Variants in CGNL1 observed in about 807,000 individuals in gnomAD.
The protein encoded by CGNL1 is cingulin-like protein 1.
CGNL1 carries 132 observed loss-of-function variants against 141.2 expected under a neutral mutation model. The observed-to-expected ratio is 0.93, with a 90% CI of 0.81 to 1.08. The LOEUF (loss-of-function observed/expected upper bound fraction) is 1.08, where lower values mean the gene tolerates loss of function less well. Ranked by LOEUF, CGNL1 falls within the 50% of genes least tolerant of loss-of-function variation. CGNL1 has a pLI of 0.00. For missense variants in CGNL1, 1,870 were observed against 1,588.6 expected (o/e 1.18, Z -3.01); for synonymous variants, 690 against 622.1 (o/e 1.11, Z -1.63).
In CGNL1 at chr15:57,516,948, G is replaced by A. The variant is rs756169055; in HGVS notation, c.2572G>A (p.Asp858Asn). ...AAGGCAGATCGAGGACCTGAAAGGC[G>A]ATGAAGCCAAGGCGAAGGAAACGCT... ...LQRQIEDLKG[D>N]EAKAKETLKK... The change falls in exon 9 of 19, where the codon GAT becomes AAT. Residue 858 changes from aspartate (D) to asparagine (N), a missense_variant. Transcript: ENST00000281282. 94 of 1,613,748 alleles carry A rather than the reference G, an allele frequency of 5.8e-5. No homozygotes were observed. Among genetic ancestry groups the A allele is most frequent in the Non-Finnish European group, 7.4e-5 (87 of 1,180,024 alleles).
At chr15:57,503,636 G>A (rs550484069) in intron 8 of CGNL1, among the ~76,000 whole-genome samples, 2 of 152,168 alleles carry the variant, frequency 1.3e-5, no homozygotes, top group Non-Finnish European at 2.9e-5. Context: ...TGCTGATTAA[G>A]ACATACCTGA....
intron 1 of CGNL1, among the ~76,000 whole-genome samples, chr15:57,434,812 T>A (rs1422329685): frequency 6.6e-6 from 1 of 152,164 alleles, no homozygotes; most frequent in African/African-American, 2.4e-5. Flanking sequence ...AAGCATAGAA[T>A]AAAGACATTT....
chr15:57,478,370 G>T (rs890202200), intron 8 of CGNL1: 1 of 152,244 alleles, frequency 6.6e-6, no homozygotes, highest in Admixed American at 6.5e-5. Context: ...CACAGCTTTT[G>T]TTTCTTGAGA....
intron 8 of CGNL1, among the ~76,000 whole-genome samples, chr15:57,509,691 T>C (rs979463096): frequency 5.3e-5 from 8 of 152,272 alleles, no homozygotes; most frequent in Non-Finnish European, 1.0e-4. Context: ...CAGGTGATTA[T>C]TTGCAATGAA....
intron 8 of CGNL1, among the ~76,000 whole-genome samples, chr15:57,492,237 A>G (rs890764532): frequency 3.2e-4 from 48 of 152,204 alleles, no homozygotes; most frequent in Admixed American, 3.3e-4. Flanking sequence ...GCACATCTTA[A>G]GGGAGGTTAG....
chr15:57,463,215 G>C (rs1385963884), intron 8 of CGNL1, among the ~76,000 whole-genome samples: 2 of 152,176 alleles, frequency 1.3e-5, no homozygotes, highest in Non-Finnish European at 2.9e-5. Flanking sequence ...AATCAAACTT[G>C]TGCCTCACAT....
chr15:57,424,120 G>T (rs1395556219), intron 1 of CGNL1, among the ~76,000 whole-genome samples: 4 of 152,222 alleles, frequency 2.6e-5, no homozygotes, highest in African/African-American at 9.6e-5. Flanking sequence ...GCCCTTAGCT[G>T]CTCTGCCCTC....
In CGNL1 at chr15:57,497,119, T is replaced by C. The variant is rs142444277; in HGVS notation, c.2404-19661T>C. Among the ~76,000 whole-genome samples the C allele has an allele frequency of 8.9e-3, 1,356 of 152,332 alleles. 9 individuals are homozygous for C. Among genetic ancestry groups the C allele is most frequent in the South Asian group, 0.023 (113 of 4,820 alleles). ...CGGTATGGGGATGGCTGGGGACTGA[T>C]ATCCCAGCTGGTGCAGGCCCAGGGA... is the stretch of plus-strand genomic sequence containing the variant. On this transcript the variant is annotated intron_variant, in intron 8 of 18. Transcript: ENST00000281282.
At position 57,378,885 on chromosome 15, in the gene CGNL1, A is replaced by G. The variant is rs2062395701; in HGVS notation, c.-16+2318A>G. Among the ~76,000 whole-genome samples, 3 of 152,024 alleles carry G rather than the reference A, an allele frequency of 2.0e-5. No homozygotes were observed. In the South Asian group the frequency reaches 6.2e-4, roughly 32 times the overall value. Reference sequence around the variant, plus strand: ...ATGCTCTGCTGCTACTACTGTATTCACTTGCTGGAGGTGTGCACCCTGTGG... The same window carrying G: ...ATGCTCTGCTGCTACTACTGTATTCGCTTGCTGGAGGTGTGCACCCTGTGG... On this transcript the variant is annotated intron_variant, in intron 1 of 18. Transcript: ENST00000281282.
Position 57,524,615 on chromosome 15 carries a change from C to T in CGNL1, c.2903C>T (p.Thr968Ile), listed in dbSNP as rs747918033. 1.9e-6 allele frequency: 3 copies of T among 1,614,044 alleles called. No homozygotes were observed. The highest frequency in any genetic ancestry group is 2.7e-5 in the African/African-American group (2 of 75,032). The change falls in exon 12 of 19, where the codon ACC (threonine) becomes ATC (isoleucine). Residue 968 changes from threonine (T) to isoleucine (I), a missense_variant. Physicochemically the swap from Thr to Ile is moderately conservative, Grantham distance 89. Coordinates refer to ENST00000281282, the MANE Select transcript of CGNL1 (RefSeq NM_032866.5). Reference sequence around the variant, plus strand: ...ATTGTTGAGGCCTCCCGTACCTCAACCCTGGAGCTCCAGAACCAGCTGGAT... The same window carrying T: ...ATTGTTGAGGCCTCCCGTACCTCAATCCTGGAGCTCCAGAACCAGCTGGAT... Reference protein sequence around the residue: ...ADIVEASRTSTLELQNQLDEY... With the variant: ...ADIVEASRTSILELQNQLDEY...
intron 16 of CGNL1, among the ~76,000 whole-genome samples, 167 bp from the exon 17 acceptor site, chr15:57,545,425 C>T (rs990032210): frequency 3.9e-5 from 6 of 152,208 alleles, no homozygotes; most frequent in Admixed American, 2.0e-4. Context: ...CATTTCCTCA[C>T]GTCTCTCACA....
At chr15:57,499,953 C>T (rs1366255864) in intron 8 of CGNL1, among the ~76,000 whole-genome samples, 1 of 151,976 alleles carries the variant, frequency 6.6e-6, no homozygotes, top group Non-Finnish European at 1.5e-5. Flanking sequence ...TGTTGGGAGT[C>T]GTTCTGGGCT....
chr15:57,529,348 T>A (rs532537494), intron 13 of CGNL1, among the ~76,000 whole-genome samples: 1 of 152,248 alleles, frequency 6.6e-6, no homozygotes, highest in South Asian at 2.1e-4. Context: ...ATGTACATAG[T>A]CCAAGACAGC....
chr15:57,513,367 T>G (rs2030505261), intron 8 of CGNL1, among the ~76,000 whole-genome samples: 1 of 152,012 alleles, frequency 6.6e-6, no homozygotes, highest in African/African-American at 2.4e-5. Context: ...AGTATTTCAT[T>G]CCTTTGAATG....
chr15:57,476,334 G>A (rs186785425), intron 8 of CGNL1, among the ~76,000 whole-genome samples: 2 of 152,286 alleles, frequency 1.3e-5, no homozygotes, highest in East Asian at 1.9e-4. Context: ...TTGAACCAAA[G>A]TATGTCTTGT....
At chr15:57,383,292 C>CTTTTTTTTTTTTTTTTTTTTTTTTT (rs59213732) in intron 1 of CGNL1, among the ~76,000 whole-genome samples, 2 of 109,596 alleles carry the variant, frequency 1.8e-5, no homozygotes, top group African/African-American at 7.3e-5. Flanking sequence ...TTCTTTCTTC[C>CTTTTTTTTTTTTTTTTTTTTTTTTT]TTTTTTTTTT....
At position 57,452,253 on chromosome 15, in the gene CGNL1, A is replaced by T; in HGVS notation, c.2018A>T (p.Glu673Val). ...AACTCCACATTGCAGCAACGACTGG[A>T]AGAAAGTGAAGGGGAGCTCCGGAAG... is the stretch of plus-strand genomic sequence containing the variant. Reference protein sequence around the residue: ...EENSTLQQRLEESEGELRKNL... With the variant: ...EENSTLQQRLVESEGELRKNL... The change falls in exon 6 of 19, where the codon GAA becomes GTA. Residue 673 changes from glutamate to valine, a missense_variant. Coordinates refer to ENST00000281282, the MANE Select transcript of CGNL1 (RefSeq NM_032866.5). 6.2e-7 allele frequency: 1 copy of T among 1,613,940 alleles called. No homozygotes were observed. The highest frequency in any genetic ancestry group is 8.5e-7 in the Non-Finnish European group (1 of 1,179,912).
chr15:57,415,970 C>G (rs2062844047), intron 1 of CGNL1, among the ~76,000 whole-genome samples: 1 of 152,178 alleles, frequency 6.6e-6, no homozygotes, highest in South Asian at 2.1e-4. Flanking sequence ...GGGATCCCTG[C>G]TCTGGGGCCT....
intron 7 of CGNL1, among the ~76,000 whole-genome samples, chr15:57,454,682 T>G (rs1280410): frequency 0.71 from 108,138 of 151,940 alleles, 38,682 homozygotes; most frequent in Admixed American, 0.77. Context: ...CCATCTCTCT[T>G]TCCCTATTCA....
Sources: gnomAD v4.1 joint callset for allele counts (sites outside exome capture counted in the v4.1 genomes callset) on GRCh38, gnomAD v4.1.1 for gene constraint, MANE v1.5 for transcripts, NCBI Gene and HGNC (gene_info 2026-07-23, HGNC 2026-07-21) for gene names.